DPP10: variants seen among roughly 807,000 people sequenced by gnomAD.
DPP10 encodes the protein inactive dipeptidyl peptidase 10.
DPP10 carries 33 observed loss-of-function variants against 120.9 expected under a neutral mutation model. The observed-to-expected ratio is 0.27, with a 90% CI of 0.21 to 0.37. The LOEUF (loss-of-function observed/expected upper bound fraction) is 0.37. Among genes scored for constraint, DPP10 ranks in the 10% least tolerant of loss-of-function variants. DPP10 has a pLI of 1.00. For synonymous variants in DPP10, 337 were observed against 326.1 expected (o/e 1.03, Z -0.36); for missense variants, 816 against 942.8 (o/e 0.87, Z 1.76).
chr2:114,608,704 C>CAA (rs772803338), intron 1 of DPP10, among the ~76,000 whole-genome samples: 19 of 137,052 alleles, frequency 1.4e-4, no homozygotes, highest in African/African-American at 4.8e-4. Context: ...GCTACACAGC[C>CAA]AAAAAAAAAA....
chr2:114,871,730 C>A (rs1690704072), intron 1 of DPP10, among the ~76,000 whole-genome samples: 1 of 152,118 alleles, frequency 6.6e-6, no homozygotes, highest in Non-Finnish European at 1.5e-5. Flanking sequence ...CCCCAACCCC[C>A]AGGCCATGGA....
intron 1 of DPP10, among the ~76,000 whole-genome samples, chr2:114,532,485 C>T (rs1242707597): frequency 2.6e-5 from 4 of 151,470 alleles, no homozygotes; most frequent in Non-Finnish European, 5.9e-5. Context: ...ACTTACCTAC[C>T]CACTACCCAG....
At chr2:115,484,275 C>T (rs1371422572) in intron 3 of DPP10, among the ~76,000 whole-genome samples, 1 of 151,360 alleles carries the variant, frequency 6.6e-6, no homozygotes, top group Non-Finnish European at 1.5e-5. Context: ...ACAAATAATA[C>T]CCTCCATAAA....
chr2:115,321,054 CT>C (rs1268062487), intron 2 of DPP10, among the ~76,000 whole-genome samples: 9 of 152,158 alleles, frequency 5.9e-5, no homozygotes, highest in Non-Finnish European at 1.3e-4. Context: ...AATCCCAGCA[CT>C]TTGGGAGGCT....
At chr2:114,744,948 G>T (rs959103056) in intron 1 of DPP10, among the ~76,000 whole-genome samples, 1 of 152,100 alleles carries the variant, frequency 6.6e-6, no homozygotes, top group African/African-American at 2.4e-5. Flanking sequence ...TTTTAGTAGA[G>T]ACGGGGTTTC....
At chr2:115,721,102 G>T (rs985252094) in intron 7 of DPP10, among the ~76,000 whole-genome samples, 1 of 152,164 alleles carries the variant, frequency 6.6e-6, no homozygotes, top group Admixed American at 6.6e-5. Context: ...TAAAACATTG[G>T]CATTGGAATT....
At chr2:114,996,980 C>CAAA (rs34287029) in intron 1 of DPP10, among the ~76,000 whole-genome samples, 12 of 66,376 alleles carry the variant, frequency 1.8e-4, no homozygotes, top group South Asian at 5.9e-4. Context: ...GACTCCATCT[C>CAAA]AAAAAAAAAA....
chr2:114,690,297 A>T (rs557109771), intron 1 of DPP10, among the ~76,000 whole-genome samples: 28 of 152,126 alleles, frequency 1.8e-4, no homozygotes, highest in African/African-American at 6.7e-4. Flanking sequence ...AGTTTTCTGC[A>T]TATCGCTAGC....
intron 1 of DPP10, among the ~76,000 whole-genome samples, chr2:114,975,103 G>A (rs1574612809): frequency 6.6e-6 from 1 of 151,098 alleles, no homozygotes; most frequent in African/African-American, 2.4e-5. Flanking sequence ...GCAATGGCGC[G>A]ATCTCAGCTC....
At chr2:115,047,568 G>T (rs2105329128) in intron 1 of DPP10, among the ~76,000 whole-genome samples, 1 of 151,600 alleles carries the variant, frequency 6.6e-6, no homozygotes, top group South Asian at 2.1e-4. Flanking sequence ...CTCCCTTCTT[G>T]TTTTATGAGT....
At chr2:114,719,432 C>T (rs1701563998) in intron 1 of DPP10, among the ~76,000 whole-genome samples, 1 of 152,170 alleles carries the variant, frequency 6.6e-6, no homozygotes, top group African/African-American at 2.4e-5. Context: ...TTGCTCTGCC[C>T]TTGCTTCTGC....
At chr2:115,491,393 T>C (rs1247093154) in intron 3 of DPP10, among the ~76,000 whole-genome samples, 1 of 152,098 alleles carries the variant, frequency 6.6e-6, no homozygotes, top group African/African-American at 2.4e-5. Context: ...TTTTCTTTAG[T>C]TGAAACCTGA....
intron 17 of DPP10, among the ~76,000 whole-genome samples, chr2:115,788,938 G>A (rs1683637562): frequency 6.6e-6 from 1 of 152,074 alleles, no homozygotes; most frequent in Non-Finnish European, 1.5e-5. Context: ...CTAACACGGT[G>A]AAACCCTGTC....
intron 1 of DPP10, among the ~76,000 whole-genome samples, chr2:114,874,641 A>G (rs1007571265): frequency 6.6e-6 from 1 of 152,102 alleles, no homozygotes; most frequent in Admixed American, 6.6e-5. Context: ...TAATAATAGT[A>G]TAAAGTGCAC....
At chr2:115,298,652 G>A (rs529572010) in intron 1 of DPP10, among the ~76,000 whole-genome samples, 1 of 152,078 alleles carries the variant, frequency 6.6e-6, no homozygotes, top group South Asian at 2.1e-4. Flanking sequence ...ACTGACCTTG[G>A]GGACTGTTTC....
chr2:115,200,013 C>T (rs1199004111), intron 1 of DPP10, among the ~76,000 whole-genome samples: 1 of 152,120 alleles, frequency 6.6e-6, no homozygotes, highest in African/African-American at 2.4e-5. Context: ...TGACTATATT[C>T]CAAACTTAGA....
At chr2:114,930,223 G>T (rs1408904343) in intron 1 of DPP10, among the ~76,000 whole-genome samples, 2 of 152,106 alleles carry the variant, frequency 1.3e-5, no homozygotes, top group Non-Finnish European at 2.9e-5. Context: ...CAGTACCCTT[G>T]GATTTCTCTC....
intron 3 of DPP10, among the ~76,000 whole-genome samples, chr2:115,467,540 G>A (rs964042691): frequency 1.3e-5 from 2 of 151,670 alleles, no homozygotes; most frequent in African/African-American, 4.8e-5. Context: ...TCACACCATT[G>A]CACTCCAGCC....
chr2:115,834,872 G>A (rs1389537652), intron 21 of DPP10, among the ~76,000 whole-genome samples: 5 of 152,198 alleles, frequency 3.3e-5, no homozygotes, highest in Non-Finnish European at 4.4e-5. Flanking sequence ...AGATCACGAG[G>A]TCAGGAGATC....
Sources: gnomAD v4.1 joint callset for allele counts (sites outside exome capture counted in the v4.1 genomes callset) on GRCh38, gnomAD v4.1.1 for gene constraint, MANE v1.5 for transcripts, NCBI Gene and HGNC (gene_info 2026-07-23, HGNC 2026-07-21) for gene names.